CSMD3: variants seen among roughly 807,000 people sequenced by gnomAD.
CSMD3 encodes the protein CUB and sushi domain-containing protein 3.
In CSMD3, 177 loss-of-function variants were observed where a neutral mutation model predicts 435.2. The ratio of observed to expected loss-of-function variants is 0.41; its 90% CI spans 0.36 to 0.46. CSMD3 has a LOEUF of 0.46. Among genes scored for constraint, CSMD3 ranks in the 20% least tolerant of loss-of-function variants. The probability of loss-of-function intolerance (pLI) is 0.34; values close to 1 mark genes in which losing one functional copy is unlikely to be tolerated. For missense variants in CSMD3, 4,265 were observed against 4,504.6 expected, an observed-to-expected ratio of 0.95 and a Z score of 1.52; for synonymous variants, 1,656 against 1,520.5, an observed-to-expected ratio of 1.09 and a Z score of -2.07.
At chr8:112,711,956 G>T (rs1015317997) in intron 13 of CSMD3, among the ~76,000 whole-genome samples, 4 of 152,060 alleles carry the variant, frequency 2.6e-5, no homozygotes, top group African/African-American at 9.7e-5. Context: ...TCCTACTTAG[G>T]ACATTATGCC....
chr8:113,429,182 A>G (rs1233189834), intron 1 of CSMD3, among the ~76,000 whole-genome samples: 1 of 151,798 alleles, frequency 6.6e-6, no homozygotes, highest in Non-Finnish European at 1.5e-5. Flanking sequence ...ATGTTCTTAT[A>G]CCATTAATAT....
chr8:113,010,337 G>A (rs918211881), intron 6 of CSMD3, among the ~76,000 whole-genome samples: 6 of 151,768 alleles, frequency 4.0e-5, no homozygotes, highest in Non-Finnish European at 4.4e-5. Flanking sequence ...TATAAGCCCT[G>A]AAAGTTTGAA....
intron 3 of CSMD3, among the ~76,000 whole-genome samples, chr8:113,274,704 A>T (rs2093555984): frequency 6.6e-6 from 1 of 152,092 alleles, no homozygotes; most frequent in Non-Finnish European, 1.5e-5. Flanking sequence ...GTTACAGCAC[A>T]TTACCTTAAC....
intron 27 of CSMD3, among the ~76,000 whole-genome samples, chr8:112,521,774 C>T (rs1406393397): frequency 6.6e-6 from 1 of 151,646 alleles, no homozygotes; most frequent in Non-Finnish European, 1.5e-5. Flanking sequence ...TTACTATGTC[C>T]AAAATATTGT....
At chr8:112,356,528 G>A (rs1826620802) in intron 38 of CSMD3, among the ~76,000 whole-genome samples, 1 of 151,846 alleles carries the variant, frequency 6.6e-6, no homozygotes. Flanking sequence ...AAAGAGGAGG[G>A]CAAGGGTTGA....
intron 3 of CSMD3, among the ~76,000 whole-genome samples, chr8:113,250,019 A>C (rs1245712909): frequency 1.3e-5 from 2 of 152,150 alleles, no homozygotes; most frequent in Non-Finnish European, 2.9e-5. Context: ...TATTCAATAA[A>C]TAAACAAATA....
rs1336441050 is a variant in CSMD3, at chr8:112,517,147, T to A, written c.4643A>T (p.Asp1548Val). ...TRNGDGREPG[D>V]TVVFQCDPGY... is the part of the protein sequence containing the mutation. ...TGGGTCACATTGAAAAACAACAGTG[T>A]CCCCAGGTTCTCTTCCATCCCCATT... The change falls in exon 28 of 71, where the codon GAC becomes GTC. Residue 1548 changes from aspartate to valine, a missense_variant. Physicochemically the swap from Asp to Val is radical, Grantham distance 152. Around this residue, in one of 3 missense-constraint regions of CSMD3, gnomAD observed 3,255 missense variants for 3,380.2 expected, o/e 0.96. Transcript: ENST00000297405. The A allele has an allele frequency of 6.2e-7, 1 of 1,613,414 alleles. No individual in the cohort carries two copies. Among genetic ancestry groups the A allele is most frequent in the African/African-American group, 1.3e-5 (1 of 74,866 alleles).
intron 63 of CSMD3, among the ~76,000 whole-genome samples, chr8:112,252,244 TC>T (rs1366613825): frequency 6.6e-6 from 1 of 151,946 alleles, no homozygotes; most frequent in Non-Finnish European, 1.5e-5. Context: ...ACATTCTGAT[TC>T]TCCTTGGAAA....
intron 32 of CSMD3, among the ~76,000 whole-genome samples, chr8:112,415,557 G>A (rs975036291): frequency 1.3e-5 from 2 of 152,218 alleles, no homozygotes; most frequent in Non-Finnish European, 2.9e-5. Context: ...GCACTGCCTA[G>A]TGGAGCTATG....
At chr8:113,377,051 G>C in intron 1 of CSMD3, 1 of 1,308,074 alleles carries the variant, frequency 7.6e-7, no homozygotes, top group African/African-American at 1.5e-5. Context: ...GAGCGGAGCG[G>C]GGCGCGGGGC....
chr8:112,637,317 T>A (rs984496180), intron 21 of CSMD3, among the ~76,000 whole-genome samples: 5 of 152,188 alleles, frequency 3.3e-5, no homozygotes, highest in African/African-American at 1.2e-4. Flanking sequence ...TTTTATTTCA[T>A]ATATTTTCGA....
intron 59 of CSMD3, among the ~76,000 whole-genome samples, chr8:112,270,818 C>A (rs1037964540): frequency 6.6e-6 from 1 of 151,638 alleles, no homozygotes; most frequent in Non-Finnish European, 1.5e-5. Context: ...AGATAACTAG[C>A]CAAGGTAAAA....
intron 42 of CSMD3, among the ~76,000 whole-genome samples, chr8:112,341,090 C>A (rs139541724): frequency 2.0e-5 from 3 of 152,130 alleles, no homozygotes; most frequent in African/African-American, 7.2e-5. Flanking sequence ...AGTAAAAGAA[C>A]ATTTTACATA....
intron 1 of CSMD3, among the ~76,000 whole-genome samples, chr8:113,324,465 T>G (rs1365057195): frequency 6.6e-6 from 1 of 152,068 alleles, no homozygotes; most frequent in Non-Finnish European, 1.5e-5. Context: ...GAATGGAAGC[T>G]CCAAGCCTTG....
At chr8:112,912,299 A>G (rs983000326) in intron 10 of CSMD3, among the ~76,000 whole-genome samples, 1 of 151,380 alleles carries the variant, frequency 6.6e-6, no homozygotes, top group Non-Finnish European at 1.5e-5. Context: ...GCTGGATCAT[A>G]TGGTAATTCT....
chr8:112,719,166 G>A (rs1250683075), intron 13 of CSMD3, among the ~76,000 whole-genome samples: 1 of 152,088 alleles, frequency 6.6e-6, no homozygotes, highest in East Asian at 1.9e-4. Flanking sequence ...GCTGCCATGG[G>A]TAACAGCAAG....
At chr8:112,594,960 C>G (rs1420678047) in intron 22 of CSMD3, among the ~76,000 whole-genome samples, 1 of 152,076 alleles carries the variant, frequency 6.6e-6, no homozygotes, top group East Asian at 1.9e-4. Context: ...CAGAGCGCCT[C>G]TCCTCCTCCA....
intron 24 of CSMD3, among the ~76,000 whole-genome samples, chr8:112,559,838 T>G (rs991755783): frequency 1.6e-4 from 25 of 151,846 alleles, no homozygotes; most frequent in Admixed American, 1.6e-3. Flanking sequence ...CAAGGACAAT[T>G]AGGTGAAAAC....
intron 1 of CSMD3, among the ~76,000 whole-genome samples, chr8:113,338,186 A>T (rs1040721474): frequency 6.6e-6 from 1 of 151,986 alleles, no homozygotes; most frequent in Non-Finnish European, 1.5e-5. Context: ...ATGCTTAAAA[A>T]TAACTCAGGA....
Sources: allele counts gnomAD v4.1 joint callset (sites outside exome capture counted in the v4.1 genomes callset), GRCh38; gene constraint gnomAD v4.1.1; regional missense constraint gnomAD v4.1.1; transcripts MANE v1.5; gene names NCBI Gene and HGNC (gene_info 2026-07-23, HGNC 2026-07-21).